The following CACNA2D1 variants were observed in gnomAD, a reference collection of about 807,000 sequenced individuals.
The protein encoded by CACNA2D1 is calcium voltage-gated channel auxiliary subunit alpha2delta 1, also known as voltage-dependent calcium channel subunit alpha-2/delta-1.
CACNA2D1 carries 53 observed loss-of-function variants against 171.5 expected under a neutral mutation model. That is an observed-to-expected ratio of 0.31 (90% CI 0.25 to 0.39). The LOEUF (loss-of-function observed/expected upper bound fraction) is 0.39, where lower values mean the gene tolerates loss of function less well. Among genes scored for constraint, CACNA2D1 ranks in the 10% least tolerant of loss-of-function variants. The pLI, the probability that CACNA2D1 is intolerant of heterozygous loss-of-function variation, is 1.00. For missense variants in CACNA2D1, 903 were observed against 1,299.8 expected, an observed-to-expected ratio of 0.69 and a Z score of 4.69; for synonymous variants, 442 against 443.1, an observed-to-expected ratio of 1.00 and a Z score of 0.03.
chr7:82,099,414 A>C (rs1812351096), intron 6 of CACNA2D1, among the ~76,000 whole-genome samples: 1 of 98,946 alleles, frequency 1.0e-5, no homozygotes, highest in African/African-American at 3.5e-5. Context: ...AACAGGTAGC[A>C]ATACCTTCTT....
At chr7:82,007,789 A>G in intron 15 of CACNA2D1, 33 bp from the exon 16 acceptor site, 1 of 1,229,092 alleles carries the variant, frequency 8.1e-7, no homozygotes, top group Non-Finnish European at 1.2e-6. Flanking sequence ...AGGGCAAATT[A>G]AAATTACAAT....
intron 4 of CACNA2D1, among the ~76,000 whole-genome samples, chr7:82,138,591 C>T (rs372151929): frequency 4.5e-4 from 69 of 151,728 alleles, no homozygotes; most frequent in Non-Finnish European, 7.1e-4. Context: ...GGACTACAGG[C>T]GCCCGCCACC....
intron 3 of CACNA2D1, among the ~76,000 whole-genome samples, chr7:82,270,476 T>G (rs1476934560): frequency 1.3e-5 from 2 of 152,204 alleles, no homozygotes; most frequent in Non-Finnish European, 2.9e-5. Flanking sequence ...CACCTCGGTT[T>G]ATTTATCCAA....
chr7:81,998,811 C>T (rs532120252), intron 18 of CACNA2D1, among the ~76,000 whole-genome samples: 1 of 152,088 alleles, frequency 6.6e-6, no homozygotes, highest in South Asian at 2.1e-4. Flanking sequence ...TGAAATGCAG[C>T]GTATTTTAAA....
At chr7:82,019,185 T>G (rs540950160) in intron 12 of CACNA2D1, among the ~76,000 whole-genome samples, 187 of 151,656 alleles carry the variant, frequency 1.2e-3, no homozygotes, top group African/African-American at 4.4e-3. Flanking sequence ...CTGGGCATGG[T>G]GGCACACACC....
intron 23 of CACNA2D1, 119 bp from the exon 24 acceptor site, chr7:81,982,746 T>TA (rs1796567018): frequency 1.3e-6 from 1 of 757,452 alleles, no homozygotes; most frequent in African/African-American, 1.7e-5. Flanking sequence ...ATAGAGTACT[T>TA]ACATCCTAAA....
chr7:82,191,924 A>G (rs1277583026), intron 3 of CACNA2D1, among the ~76,000 whole-genome samples: 2 of 151,990 alleles, frequency 1.3e-5, no homozygotes, highest in Non-Finnish European at 2.9e-5. Context: ...AGAAATACAA[A>G]GAATGATTAT....
chr7:82,321,721 G>T (rs1184510740), intron 3 of CACNA2D1, among the ~76,000 whole-genome samples: 1 of 152,118 alleles, frequency 6.6e-6, no homozygotes, highest in Non-Finnish European at 1.5e-5. Context: ...CATACAAAAT[G>T]AGATATTCTT....
Position 82,248,107 on chromosome 7 carries a change from T to C in CACNA2D1, c.295-77498A>G, listed in dbSNP as rs1250337709. Among the ~76,000 whole-genome samples, 3 of 152,138 alleles carry C rather than the reference T, an allele frequency of 2.0e-5. No homozygotes were observed. The East Asian group carries it at 5.8e-4, about 29-fold the overall frequency. ...GCTCCAGTGGTAACTCTACTGGAGA[T>C]TTTAAGTTGCCATAGGTCACAACTA... On this transcript the variant is annotated intron_variant, in intron 3 of 38. Transcript: ENST00000356860.
At chr7:82,013,197 A>G (rs771350685) in intron 14 of CACNA2D1, among the ~76,000 whole-genome samples, 16 of 151,940 alleles carry the variant, frequency 1.1e-4, no homozygotes, top group Non-Finnish European at 1.8e-4. Flanking sequence ...AGAAAATTTG[A>G]TTTTATTTAT....
chr7:82,268,499 C>T (rs1406982162), intron 3 of CACNA2D1, among the ~76,000 whole-genome samples: 2 of 152,100 alleles, frequency 1.3e-5, no homozygotes, highest in African/African-American at 4.8e-5. Flanking sequence ...ACTCACTCTC[C>T]CTCTAATTAC....
chr7:82,178,192 C>T (rs189500799), intron 3 of CACNA2D1, among the ~76,000 whole-genome samples: 63 of 152,138 alleles, frequency 4.1e-4, no homozygotes, highest in Admixed American at 4.1e-3. Context: ...TGGAGTGTGT[C>T]CTATAGATTT....
chr7:81,964,383 G>A (rs1313283588), intron 32 of CACNA2D1, 24 bp from the exon 33 acceptor site: 2 of 1,604,242 alleles, frequency 1.2e-6, no homozygotes, highest in Non-Finnish European at 1.7e-6. Context: ...AAATCATAAA[G>A]CAACGTGCAC....
At chr7:82,086,927 T>C (rs1810547289) in intron 6 of CACNA2D1, among the ~76,000 whole-genome samples, 1 of 152,148 alleles carries the variant, frequency 6.6e-6, no homozygotes, top group Admixed American at 6.5e-5. Flanking sequence ...AATATTCCTA[T>C]TATCCTGGCA....
intron 38 of CACNA2D1, among the ~76,000 whole-genome samples, chr7:81,951,969 G>GTTTTTTTTTTTTTTTTTTTTTTTTT (rs774805421): frequency 7.0e-5 from 5 of 71,914 alleles, no homozygotes; most frequent in East Asian, 4.9e-4. Flanking sequence ...TGTACAAAGT[G>GTTTTTTTTTTTTTTTTTTTTTTTTT]TTTTTTTTTT....
At chr7:82,158,423 A>G (rs900797188) in intron 4 of CACNA2D1, among the ~76,000 whole-genome samples, 1 of 151,878 alleles carries the variant, frequency 6.6e-6, no homozygotes, top group African/African-American at 2.4e-5. Flanking sequence ...ACAGGTTGCT[A>G]TATACCTTGC....
chr7:82,049,326 A>T (rs1192081131), intron 10 of CACNA2D1, among the ~76,000 whole-genome samples: 2 of 152,144 alleles, frequency 1.3e-5, no homozygotes, highest in African/African-American at 4.8e-5. Flanking sequence ...TTCTTTTAAC[A>T]AATTCTCTTA....
chr7:81,969,637 T>C (rs1334569235), intron 28 of CACNA2D1, among the ~76,000 whole-genome samples: 1 of 151,382 alleles, frequency 6.6e-6, no homozygotes, highest in Non-Finnish European at 1.5e-5. Flanking sequence ...CTATTTCTTA[T>C]GCATGCCTAA....
chr7:82,324,332 T>C (rs969549682), intron 3 of CACNA2D1, among the ~76,000 whole-genome samples: 2 of 140,234 alleles, frequency 1.4e-5, no homozygotes, highest in Non-Finnish European at 3.0e-5. Context: ...CACTCCAGCC[T>C]GGGCAACAAG....
Sources: allele counts gnomAD v4.1 joint callset (sites outside exome capture counted in the v4.1 genomes callset), GRCh38; gene constraint gnomAD v4.1.1; transcripts MANE v1.5; gene names NCBI Gene and HGNC (gene_info 2026-07-23, HGNC 2026-07-21).